Variants in KDM5A observed in about 807,000 individuals in gnomAD.
The protein encoded by KDM5A is lysine-specific demethylase 5A.
Under a neutral mutation model 193.5 loss-of-function variants are expected in KDM5A, and 42 were observed. The ratio of observed to expected loss-of-function variants is 0.22; its 90% confidence interval spans 0.17 to 0.28. KDM5A has a LOEUF of 0.28. Ranked by LOEUF, KDM5A falls within the 10% of genes least tolerant of loss-of-function variation. The pLI, the probability that KDM5A is intolerant of heterozygous loss-of-function variation, is 1.00. For synonymous variants in KDM5A, 796 were observed against 718.1 expected (o/e 1.11, Z -1.73); for missense variants, 1,692 against 2,055.1 (o/e 0.82, Z 3.42).
chr12:388,575 C>A, intron 1 of KDM5A: 1 of 381,962 alleles, frequency 2.6e-6, no homozygotes. Flanking sequence ...AAAGAGATAG[C>A]CGACTATCAA....
rs571512585 is a variant in KDM5A, at chr12:291,900, G to GT, written c.4866+858_4866+859insA. The stretch of plus-strand genomic sequence containing the variant: ...TTAGGGTTGGAAATTTTAAAACAAT[G>GT]CTTTTTTTTTTTTTTTTTTGAGACA... On this transcript the variant is annotated intron_variant, in intron 27 of 27. Coordinates refer to ENST00000399788, the MANE Select transcript of KDM5A (RefSeq NM_001042603.3). Among the ~76,000 whole-genome samples, 31 of 144,798 alleles carry GT rather than the reference G, an allele frequency of 2.1e-4. No homozygotes were observed. In the South Asian group the frequency reaches 2.5e-3, roughly 12 times the overall value. 95.0% of individuals were successfully genotyped at this position (144,798 alleles called of 152,430 possible).
In KDM5A at chr12:350,616, T is replaced by C; in HGVS notation, c.1308+5A>G. On this transcript the variant is annotated splice_donor_5th_base_variant and intron_variant, in intron 10 of 27. Transcript: ENST00000399788. ...GGGTAAGCAAAAGTTTGGATAAATCTGCACCTCTTCTTCTGGCAGAATCTT... is the reference window on the plus strand; with the variant it reads ...GGGTAAGCAAAAGTTTGGATAAATCCGCACCTCTTCTTCTGGCAGAATCTT... 6.2e-7 allele frequency: 1 copy of C among 1,613,982 alleles called. No individual in the cohort carries two copies. Among genetic ancestry groups the C allele is most frequent in the Non-Finnish European group, 8.5e-7 (1 of 1,179,922 alleles).
rs1304730578 is a variant in KDM5A, at chr12:290,686, C to T, written c.4866+2073G>A. Among the ~76,000 whole-genome samples the T allele has an allele frequency of 2.6e-5, 4 of 151,104 alleles. No individual in the cohort carries two copies. In the East Asian group the frequency reaches 7.8e-4, roughly 29 times the overall value. On this transcript the variant is annotated intron_variant, in intron 27 of 27. Coordinates refer to ENST00000399788, the MANE Select transcript of KDM5A (RefSeq NM_001042603.3). ...ATCATAACCCTTTGAATAGGCAGGGCACCTGTTAATTTGACAATTTCATAG... is the reference window on the plus strand; with the variant it reads ...ATCATAACCCTTTGAATAGGCAGGGTACCTGTTAATTTGACAATTTCATAG...
At chr12:315,046 T>C (rs936883704) in intron 19 of KDM5A, among the ~76,000 whole-genome samples, 7 of 152,068 alleles carry the variant, frequency 4.6e-5, no homozygotes, top group Admixed American at 1.3e-4. Flanking sequence ...AGTGGCAGTA[T>C]AGAGAATGAA....
rs567856129 is a variant in KDM5A at position 362,636 on chromosome 12, A to C, written c.672+327T>G. 9.8e-5 allele frequency among the ~76,000 whole-genome samples: 15 copies of C among 152,372 alleles called. No homozygotes were observed. The East Asian group carries it at 2.5e-3, about 25-fold the overall frequency. On this transcript the variant is annotated intron_variant, in intron 5 of 27. Transcript: ENST00000399788. ...GTCAAAAACTACTAAAAAATTAACA[A>C]AGAACTTTCTAAATCAAATTACGCC...
chr12:292,792 T>G lies in KDM5A; in HGVS notation c.4833A>C (p.Ala1611=), dbSNP rs944373081. Residue 1611 remains alanine (A), a synonymous_variant, in exon 27 of 28, where the codon GCA becomes GCC. Transcript: ENST00000399788. ...TGCAGGGCCTTTGGCAGTTCTGTGCTGCGCACACAGCATTCTCATCATCAG... is the reference window on the plus strand; with the variant it reads ...TGCAGGGCCTTTGGCAGTTCTGTGCGGCGCACACAGCATTCTCATCATCAG... ...EESDDENAVC[A]AQNCQRPCKD... is the part of the protein sequence containing the mutation. The G allele has an allele frequency of 6.2e-7, 1 of 1,614,240 alleles. No homozygotes were observed. Among genetic ancestry groups the G allele is most frequent in the Non-Finnish European group, 8.5e-7 (1 of 1,180,026 alleles).
rs551718832 is a variant in KDM5A, at chr12:349,225, G to A, written c.1308+1396C>T. 6.6e-5 allele frequency among the ~76,000 whole-genome samples: 10 copies of A among 151,856 alleles called. No homozygotes were observed. The South Asian group carries it at 8.3e-4, about 13-fold the overall frequency. On this transcript the variant is annotated intron_variant, in intron 10 of 27. Coordinates refer to ENST00000399788, the MANE Select transcript of KDM5A (RefSeq NM_001042603.3). The stretch of plus-strand genomic sequence containing the variant: ...AGTAGAGACGGGGTTTCACCATGTT[G>A]GTCAGGCTGGTCTCAAAATCCTGAC...
intron 3 of KDM5A, among the ~76,000 whole-genome samples, chr12:381,415 T>TTTTGTA (rs1373035121): frequency 3.9e-5 from 6 of 152,172 alleles, no homozygotes; most frequent in Non-Finnish European, 8.8e-5. Context: ...CCGAGCCAAT[T>TTTTGTA]TTTGAAATTT....
rs1591915681 is a variant in KDM5A at position 328,825 on chromosome 12, G to A, written c.1968+10C>T. ...GTATCAAACATAGAAAATGTGCTCA[G>A]CAAACTCACCATCTGTACAACAGAC... On this transcript the variant is annotated intron_variant, in intron 14 of 27. Transcript: ENST00000399788. 6.2e-7 allele frequency: 1 copy of A among 1,612,826 alleles called. No homozygotes were observed. The highest frequency in any genetic ancestry group is 8.5e-7 in the Non-Finnish European group (1 of 1,179,680).
chr12:333,927 C>T (rs940120390), intron 11 of KDM5A, among the ~76,000 whole-genome samples: 9 of 152,120 alleles, frequency 5.9e-5, no homozygotes, highest in African/African-American at 1.9e-4. Flanking sequence ...CACCTTCAAA[C>T]GGGAAAGACA....
chr12:385,434 T>C (rs1273789567), intron 2 of KDM5A, among the ~76,000 whole-genome samples: 1 of 151,886 alleles, frequency 6.6e-6, no homozygotes, highest in Non-Finnish European at 1.5e-5. Context: ...ATACTTAAAG[T>C]AATTAAAAAG....
chr12:348,765 G>T (rs1291915071), intron 10 of KDM5A, among the ~76,000 whole-genome samples: 2 of 151,842 alleles, frequency 1.3e-5, no homozygotes, highest in Non-Finnish European at 2.9e-5. Flanking sequence ...CTGTCAGGGG[G>T]TGGGGGGCTG....
At chr12:318,058 C>T (rs760930043) in intron 19 of KDM5A, 48 bp downstream of exon 19, 2 of 1,373,806 alleles carry the variant, frequency 1.5e-6, no homozygotes, top group South Asian at 1.2e-5. Flanking sequence ...CCCACTCTAC[C>T]TTCTGACTTA....
At chr12:317,937 G>A (rs1943668029) in intron 19 of KDM5A, among the ~76,000 whole-genome samples, 169 bp downstream of exon 19, 1 of 151,946 alleles carries the variant, frequency 6.6e-6, no homozygotes, top group Non-Finnish European at 1.5e-5. Context: ...TGGATCATCA[G>A]GAAATACCTT....
At chr12:369,214 T>C (rs890089838) in intron 3 of KDM5A, among the ~76,000 whole-genome samples, 1 of 152,168 alleles carries the variant, frequency 6.6e-6, no homozygotes, top group African/African-American at 2.4e-5. Flanking sequence ...ACAAAAATTA[T>C]TTTTCAAAGT....
At chr12:339,162 G>A (rs891392880) in intron 10 of KDM5A, among the ~76,000 whole-genome samples, 1 of 141,158 alleles carries the variant, frequency 7.1e-6, no homozygotes, top group African/African-American at 2.7e-5. Context: ...TGGGCAACAA[G>A]AGCGAAACCC....
chr12:366,318 C>T (rs1347944412), intron 3 of KDM5A, among the ~76,000 whole-genome samples: 3 of 152,132 alleles, frequency 2.0e-5, no homozygotes, highest in African/African-American at 4.8e-5. Flanking sequence ...ATTATGCCTA[C>T]CTTCAAACCA....
intron 10 of KDM5A, among the ~76,000 whole-genome samples, chr12:337,136 T>C (rs1190428690): frequency 6.6e-6 from 1 of 152,156 alleles, no homozygotes; most frequent in East Asian, 1.9e-4. Context: ...CCCGCTTCTC[T>C]CTCTTCCTCC....
chr12:319,193 G>A (rs947724888), intron 18 of KDM5A, among the ~76,000 whole-genome samples: 3 of 152,152 alleles, frequency 2.0e-5, no homozygotes, highest in South Asian at 2.1e-4. Flanking sequence ...GGGAAGTGAT[G>A]TGATTTGATT....
Sources: allele counts gnomAD v4.1 joint callset (sites outside exome capture counted in the v4.1 genomes callset), GRCh38; gene constraint gnomAD v4.1.1; transcripts MANE v1.5; gene names NCBI Gene and HGNC (gene_info 2026-07-23, HGNC 2026-07-21).